RNF180: variants seen among roughly 807,000 people sequenced by gnomAD.
The protein encoded by RNF180 is ring finger protein 180.
Under a neutral mutation model 59.2 loss-of-function variants are expected in RNF180, and 38 were observed. The ratio of observed to expected loss-of-function variants is 0.64; its 90% confidence interval spans 0.50 to 0.84. The LOEUF (loss-of-function observed/expected upper bound fraction) is 0.84. RNF180 is among the 40% of genes least tolerant of loss of function. The probability of loss-of-function intolerance (pLI) is 0.00; values close to 1 mark genes in which losing one functional copy is unlikely to be tolerated. For synonymous variants in RNF180, 262 were observed against 240.3 expected (o/e 1.09, Z -0.84); for missense variants, 705 against 700.9 (o/e 1.01, Z -0.07).
At chr5:64,243,176 T>C (rs1385164701) in intron 5 of RNF180, among the ~76,000 whole-genome samples, 1 of 152,122 alleles carries the variant, frequency 6.6e-6, no homozygotes, top group Non-Finnish European at 1.5e-5. Flanking sequence ...TGAGCAGACA[T>C]TGAGCTACCT....
At chr5:64,270,317 A>G (rs1337161351) in intron 5 of RNF180, among the ~76,000 whole-genome samples, 1 of 152,154 alleles carries the variant, frequency 6.6e-6, no homozygotes, top group Non-Finnish European at 1.5e-5. Flanking sequence ...CTTCAATTTG[A>G]CAGTAATTTG....
At chr5:64,265,366 C>T (rs747712567) in intron 5 of RNF180, among the ~76,000 whole-genome samples, 3 of 152,032 alleles carry the variant, frequency 2.0e-5, no homozygotes, top group Admixed American at 6.6e-5. Flanking sequence ...TTCAGTCTTA[C>T]GTTTAGGTCT....
chr5:64,280,019 CT>C (rs1475310421), intron 5 of RNF180, among the ~76,000 whole-genome samples: 1 of 152,064 alleles, frequency 6.6e-6, no homozygotes, highest in Non-Finnish European at 1.5e-5. Context: ...CTTGAATCAC[CT>C]ATGTATATAT....
intron 5 of RNF180, among the ~76,000 whole-genome samples, chr5:64,305,472 T>C (rs1743393923): frequency 6.6e-6 from 1 of 151,504 alleles, no homozygotes; most frequent in Non-Finnish European, 1.5e-5. Context: ...CAAGGCATGT[T>C]ACTGAATTTT....
Position 64,275,505 on chromosome 5 carries a change from GTCACATATT to G in RNF180, c.1228-49679_1228-49671del, listed in dbSNP as rs1741665569. On this transcript the variant is annotated intron_variant, in intron 5 of 7. Transcript: ENST00000389100. The stretch of plus-strand genomic sequence containing the variant: ...TTAAGAATGAATGACAGTCCACAAA[GTCACATATT>G]TAGAAAATATACTTTTTATTACTTT... Among the ~76,000 whole-genome samples the G allele has an allele frequency of 2.0e-5, 3 of 151,270 alleles. No individual in the cohort carries two copies. The South Asian group carries it at 6.3e-4, about 32-fold the overall frequency.
intron 5 of RNF180, among the ~76,000 whole-genome samples, chr5:64,322,219 G>A (rs1005767776): frequency 3.3e-5 from 5 of 151,976 alleles, no homozygotes; most frequent in Admixed American, 2.0e-4. Context: ...GAGTAAACAG[G>A]CAAGCTACAA....
intron 7 of RNF180, among the ~76,000 whole-genome samples, chr5:64,344,623 C>G (rs1161183828): frequency 6.6e-6 from 1 of 152,074 alleles, no homozygotes; most frequent in Non-Finnish European, 1.5e-5. Context: ...TAGCAGCGGT[C>G]TCTGTGTTCA....
rs115299805 is a variant in RNF180, at chr5:64,178,326, T to A, written c.-1+12373T>A. ...CTCACGCTTTTCCAGTCCTTTGATC[T>A]CCACCTGATGCTTTCCATTGGCAGA... is the stretch of plus-strand genomic sequence containing the variant. On this transcript the variant is annotated intron_variant, in intron 1 of 7. Coordinates refer to ENST00000389100, the MANE Select transcript of RNF180 (RefSeq NM_001113561.2). 4.8e-3 allele frequency among the ~76,000 whole-genome samples: 728 copies of A among 152,118 alleles called. 9 individuals are homozygous for A. The highest frequency in any genetic ancestry group is 0.017 in the African/African-American group (696 of 41,490).
chr5:64,346,386 T>C (rs1252743320), intron 7 of RNF180, among the ~76,000 whole-genome samples: 14 of 139,720 alleles, frequency 1.0e-4, no homozygotes, highest in African/African-American at 2.5e-4. Context: ...TTTTTTTTTT[T>C]CTGAGAGAGT....
At position 64,299,843 on chromosome 5, in the gene RNF180, A is replaced by C. The variant is rs73103174; in HGVS notation, c.1228-25343A>C. Reference sequence around the variant, plus strand: ...TGTACTCCAAAACTATTAAATAGGAAATTTCATAAATAAATGGTTCATAAG... The same window carrying C: ...TGTACTCCAAAACTATTAAATAGGACATTTCATAAATAAATGGTTCATAAG... On this transcript the variant is annotated intron_variant, in intron 5 of 7. Coordinates refer to ENST00000389100, the MANE Select transcript of RNF180 (RefSeq NM_001113561.2). Among the ~76,000 whole-genome samples the C allele has an allele frequency of 8.2e-3, 1,244 of 152,006 alleles. 17 individuals are homozygous for C. Among genetic ancestry groups the C allele is most frequent in the African/African-American group, 0.029 (1,188 of 41,508 alleles).
chr5:64,231,924 G>A (rs1391812126), intron 5 of RNF180, among the ~76,000 whole-genome samples: 4 of 152,164 alleles, frequency 2.6e-5, no homozygotes, highest in Non-Finnish European at 5.9e-5. Flanking sequence ...ATAGGAAAAT[G>A]TTCCTTTATT....
At chr5:64,295,414 C>G (rs1663543780) in intron 5 of RNF180, among the ~76,000 whole-genome samples, 1 of 152,156 alleles carries the variant, frequency 6.6e-6, no homozygotes, top group Admixed American at 6.5e-5. Context: ...TGGGGAAAAC[C>G]TTGGACCATG....
At chr5:64,350,259 G>T (rs543159751) in intron 7 of RNF180, among the ~76,000 whole-genome samples, 1 of 152,074 alleles carries the variant, frequency 6.6e-6, no homozygotes, top group African/African-American at 2.4e-5. Context: ...TTTGTGATGG[G>T]GTTGTTTTTT....
intron 5 of RNF180, among the ~76,000 whole-genome samples, chr5:64,225,241 C>A (rs201163603): frequency 6.6e-6 from 1 of 152,204 alleles, no homozygotes; most frequent in Non-Finnish European, 1.5e-5. Flanking sequence ...TTTGGCCTTA[C>A]GCATAGGAAA....
At chr5:64,288,358 G>C (rs915514075) in intron 5 of RNF180, among the ~76,000 whole-genome samples, 1 of 152,058 alleles carries the variant, frequency 6.6e-6, no homozygotes, top group African/African-American at 2.4e-5. Flanking sequence ...TGTTCTTTTT[G>C]CTTAGGATTG....
intron 5 of RNF180, among the ~76,000 whole-genome samples, chr5:64,273,940 A>G (rs1323261490): frequency 2.0e-5 from 3 of 152,054 alleles, no homozygotes; most frequent in Non-Finnish European, 4.4e-5. Flanking sequence ...TTGTTCCCAC[A>G]GATTTGACAC....
rs1322659361 is a variant in RNF180, at chr5:64,183,203, T to C, written c.-1+17250T>C. ...ATAATTTCAGAAGTCACTTAACTTC[T>C]AGGACTCAGTTTCCTCATCTATAAA... On this transcript the variant is annotated intron_variant, in intron 1 of 7. Coordinates refer to ENST00000389100, the MANE Select transcript of RNF180 (RefSeq NM_001113561.2). 2.0e-5 allele frequency among the ~76,000 whole-genome samples: 3 copies of C among 152,200 alleles called. 1 individual carries two copies. Among genetic ancestry groups the C allele is most frequent in the Admixed American group, 2.0e-4 (3 of 15,288 alleles).
At chr5:64,181,627 A>G (rs1158986797) in intron 1 of RNF180, among the ~76,000 whole-genome samples, 2 of 152,264 alleles carry the variant, frequency 1.3e-5, no homozygotes, top group East Asian at 3.9e-4. Flanking sequence ...ATAGGAGCAG[A>G]TGGGCAGAAA....
intron 2 of RNF180, among the ~76,000 whole-genome samples, chr5:64,211,401 C>A (rs1172920532): frequency 1.3e-5 from 2 of 152,082 alleles, no homozygotes; most frequent in Admixed American, 6.6e-5. Context: ...CCTCTTCTTC[C>A]TTGGCTAATT....
Sources: allele counts gnomAD v4.1 joint callset (sites outside exome capture counted in the v4.1 genomes callset), GRCh38; gene constraint gnomAD v4.1.1; transcripts MANE v1.5; gene names NCBI Gene and HGNC (gene_info 2026-07-23, HGNC 2026-07-21).